The following TMEM108 variants were observed in gnomAD, a reference collection of about 807,000 sequenced individuals.
TMEM108 encodes cancer/testis antigen 124.
In TMEM108, 12 loss-of-function variants were observed where a neutral mutation model predicts 35.1. The ratio of observed to expected loss-of-function variants is 0.34; its 90% CI spans 0.22 to 0.55. TMEM108 has a LOEUF of 0.55. Among genes scored for constraint, TMEM108 ranks in the 20% least tolerant of loss-of-function variants. TMEM108 has a pLI of 0.89. For synonymous variants in TMEM108, 287 were observed against 308.6 expected, an observed-to-expected ratio of 0.93 and a Z score of 0.73; for missense variants, 680 against 753.3, an observed-to-expected ratio of 0.90 and a Z score of 1.14.
At chr3:133,082,184 G>C (rs1220257760) in intron 2 of TMEM108, among the ~76,000 whole-genome samples, 1 of 152,194 alleles carries the variant, frequency 6.6e-6, no homozygotes, top group African/African-American at 2.4e-5. Context: ...TGCCTGCTTT[G>C]TGCCCATAAC....
intron 2 of TMEM108, among the ~76,000 whole-genome samples, chr3:133,079,892 C>A (rs1943788355): frequency 6.6e-6 from 1 of 152,242 alleles, no homozygotes. Context: ...AGGGCCTCAT[C>A]ATGTAAAGGA....
At chr3:133,111,435 T>G (rs1360823045) in intron 2 of TMEM108, among the ~76,000 whole-genome samples, 1 of 152,148 alleles carries the variant, frequency 6.6e-6, no homozygotes, top group Admixed American at 6.6e-5. Flanking sequence ...CTTCTCATCA[T>G]GAGTCTCTTT....
chr3:133,096,041 A>G (rs1944010951), intron 2 of TMEM108, among the ~76,000 whole-genome samples: 1 of 152,202 alleles, frequency 6.6e-6, no homozygotes, highest in African/African-American at 2.4e-5. Flanking sequence ...AAAAAGACTG[A>G]GGCTCTCCTA....
chr3:133,077,738 A>G (rs185487172), intron 2 of TMEM108, among the ~76,000 whole-genome samples: 10 of 152,138 alleles, frequency 6.6e-5, no homozygotes, highest in Middle Eastern at 3.4e-3. Context: ...CTTCCTTTTG[A>G]GTTGGCTAGC....
Position 133,164,531 on chromosome 3 carries a change from T to C in TMEM108, c.-46-64735T>C, listed in dbSNP as rs151234812. Among the ~76,000 whole-genome samples the C allele has an allele frequency of 3.8e-3, 586 of 152,314 alleles. 3 individuals are homozygous for C. The highest frequency in any genetic ancestry group is 0.012 in the African/African-American group (493 of 41,578). ...AACACTGAACTTGTAGTGAGAATCT[T>C]AGGTTTGGGAGCATCCTTACTCTGG... On this transcript the variant is annotated intron_variant, in intron 2 of 5. Coordinates refer to ENST00000321871, the MANE Select transcript of TMEM108 (RefSeq NM_023943.4).
At chr3:133,126,163 TTTTTTAA>T (rs1944412900) in intron 2 of TMEM108, among the ~76,000 whole-genome samples, 1 of 152,114 alleles carries the variant, frequency 6.6e-6, no homozygotes, top group African/African-American at 2.4e-5. Context: ...CTATAATCTT[TTTTTTAA>T]AAAAGTGATG....
intron 2 of TMEM108, among the ~76,000 whole-genome samples, chr3:133,140,601 G>T (rs1944627757): frequency 6.6e-6 from 1 of 152,186 alleles, no homozygotes; most frequent in African/African-American, 2.4e-5. Context: ...GCAGGATACA[G>T]TTGTGGTAAA....
chr3:133,376,261 CCT>C (rs1205215922), intron 3 of TMEM108, among the ~76,000 whole-genome samples: 2 of 152,224 alleles, frequency 1.3e-5, no homozygotes, highest in African/African-American at 4.8e-5. Flanking sequence ...TGTATTAACC[CCT>C]CTCTCTGCCT....
chr3:133,379,255 G>A (rs2072931220), intron 3 of TMEM108, among the ~76,000 whole-genome samples: 1 of 152,212 alleles, frequency 6.6e-6, no homozygotes, highest in Admixed American at 6.5e-5. Flanking sequence ...GGAAGATTCA[G>A]AAAAGGGCAT....
At position 133,317,206 on chromosome 3, in the gene TMEM108, A is replaced by G. The variant is rs556121689; in HGVS notation, c.41-62546A>G. 2.6e-5 allele frequency among the ~76,000 whole-genome samples: 4 copies of G among 152,328 alleles called. No individual in the cohort carries two copies. In the South Asian group the frequency reaches 6.2e-4, roughly 24 times the overall value. On this transcript the variant is annotated intron_variant, in intron 3 of 5. Coordinates refer to ENST00000321871, the MANE Select transcript of TMEM108 (RefSeq NM_023943.4). The stretch of plus-strand genomic sequence containing the variant: ...ATCTAATTCAATGATACGGACGTTG[A>G]AAGGGATTTGTATCCCCAAGGAATA...
chr3:133,358,360 C>T (rs2072241176), intron 3 of TMEM108, among the ~76,000 whole-genome samples: 2 of 151,924 alleles, frequency 1.3e-5, no homozygotes, highest in South Asian at 2.1e-4. Flanking sequence ...TTAGTAGAGA[C>T]GGGGTTTCAC....
chr3:133,062,125 C>T (rs1559820035), intron 2 of TMEM108, among the ~76,000 whole-genome samples: 1 of 152,180 alleles, frequency 6.6e-6, no homozygotes, highest in Non-Finnish European at 1.5e-5. Context: ...GAGAAAAGGT[C>T]ACTAATTAGC....
chr3:133,209,191 G>A (rs965242424), intron 2 of TMEM108, among the ~76,000 whole-genome samples: 1 of 149,944 alleles, frequency 6.7e-6, no homozygotes, highest in South Asian at 2.1e-4. Context: ...ATAGACACAG[G>A]CCACCACACC....
At chr3:133,366,805 G>T (rs997523292) in intron 3 of TMEM108, among the ~76,000 whole-genome samples, 1 of 152,180 alleles carries the variant, frequency 6.6e-6, no homozygotes, top group African/African-American at 2.4e-5. Flanking sequence ...ATGATACAGG[G>T]AAATTGATTA....
chr3:133,272,272 C>CGTGTGTGTGTGT (rs3078833), intron 3 of TMEM108, among the ~76,000 whole-genome samples: 1,405 of 137,792 alleles, frequency 0.01, 11 homozygotes, highest in Middle Eastern at 0.019. Flanking sequence ...CATACACGTA[C>CGTGTGTGTGTGT]GTGTGTGTGT....
At chr3:133,254,535 G>C (rs1346617473) in intron 3 of TMEM108, among the ~76,000 whole-genome samples, 5 of 152,110 alleles carry the variant, frequency 3.3e-5, no homozygotes, top group African/African-American at 4.8e-5. Context: ...ATTAACGTCA[G>C]TCGAATATGT....
At position 133,351,298 on chromosome 3, in the gene TMEM108, A is replaced by G. The variant is rs377083689; in HGVS notation, c.41-28454A>G. On this transcript the variant is annotated intron_variant, in intron 3 of 5. Coordinates refer to ENST00000321871, the MANE Select transcript of TMEM108 (RefSeq NM_023943.4). ...TCTGGTGGGAAGGTGCTGATCTTCA[A>G]TCACCCTTACGGCCCTGCTTACTTC... 3.2e-4 allele frequency among the ~76,000 whole-genome samples: 49 copies of G among 152,246 alleles called. No homozygotes were observed. In the South Asian group the frequency reaches 6.0e-3, roughly 19 times the overall value.
chr3:133,066,227 C>T (rs1323994828), intron 2 of TMEM108, among the ~76,000 whole-genome samples: 1 of 152,072 alleles, frequency 6.6e-6, no homozygotes, highest in Non-Finnish European at 1.5e-5. Flanking sequence ...CAAGTTCATT[C>T]CCATTGCCAT....
chr3:133,254,522 C>T (rs1207833515), intron 3 of TMEM108, among the ~76,000 whole-genome samples: 1 of 152,090 alleles, frequency 6.6e-6, no homozygotes, highest in Non-Finnish European at 1.5e-5. Flanking sequence ...AAGATACTTG[C>T]ATATTAACGT....
Sources: allele counts gnomAD v4.1 joint callset (sites outside exome capture counted in the v4.1 genomes callset), GRCh38; gene constraint gnomAD v4.1.1; transcripts MANE v1.5; gene names NCBI Gene and HGNC (gene_info 2026-07-23, HGNC 2026-07-21).